NR2C1: variants seen among roughly 807,000 people sequenced by gnomAD.
NR2C1 encodes nuclear receptor subfamily 2 group C member 1.
NR2C1 carries 33 observed loss-of-function variants against 74.8 expected under a neutral mutation model. The ratio of observed to expected loss-of-function variants is 0.44; its 90% CI spans 0.33 to 0.59. The LOEUF is 0.59. NR2C1 is among the 20% of genes least tolerant of loss of function. The pLI, the probability that NR2C1 is intolerant of heterozygous loss-of-function variation, is 0.02. For synonymous variants in NR2C1, 225 were observed against 240.6 expected (o/e 0.94, Z 0.60); for missense variants, 568 against 715.6 (o/e 0.79, Z 2.35).
At chr12:95,025,080 A>G in intron 13 of NR2C1, 70 bp downstream of exon 13, 1 of 648,714 alleles carries the variant, frequency 1.5e-6, no homozygotes, top group Non-Finnish European at 2.6e-6. Flanking sequence ...TGAGAGTAGT[A>G]ATAATGAGAT....
intron 7 of NR2C1, among the ~76,000 whole-genome samples, chr12:95,053,681 GT>G (rs550069594): frequency 0.085 from 8,802 of 103,142 alleles, 121 homozygotes; most frequent in African/African-American, 0.17. Flanking sequence ...TCTTTTTGGT[GT>G]TTTTTTTTTT....
chr12:95,047,385 A>G (rs115126787), intron 9 of NR2C1, among the ~76,000 whole-genome samples: 1,725 of 152,234 alleles, frequency 0.011, 28 homozygotes, highest in African/African-American at 0.039. Flanking sequence ...AAAAATTTCT[A>G]ATTTTTTCCA....
At chr12:95,060,497 T>C (rs921942767) in intron 3 of NR2C1, among the ~76,000 whole-genome samples, 1 of 151,760 alleles carries the variant, frequency 6.6e-6, no homozygotes, top group Non-Finnish European at 1.5e-5. Context: ...GTACTAAAAA[T>C]ACAAAAAATT....
intron 2 of NR2C1, 81 bp from the exon 3 acceptor site, chr12:95,062,819 T>A (rs1302613627): frequency 9.9e-7 from 1 of 1,012,480 alleles, no homozygotes; most frequent in Non-Finnish European, 1.5e-6. Context: ...AAAAGCACAT[T>A]ACATATATAT....
At chr12:95,050,069 G>C (rs573436772) in intron 8 of NR2C1, among the ~76,000 whole-genome samples, 2 of 152,256 alleles carry the variant, frequency 1.3e-5, no homozygotes, top group Admixed American at 6.5e-5. Flanking sequence ...CCAAAGTGCT[G>C]AGATTACAGG....
At chr12:95,064,649 G>C (rs775943263) in intron 2 of NR2C1, among the ~76,000 whole-genome samples, 49 of 152,252 alleles carry the variant, frequency 3.2e-4, no homozygotes, top group Non-Finnish European at 6.2e-4. Flanking sequence ...TGCCATCTGG[G>C]GGGGAGGAAC....
chr12:95,056,118 T>A (rs1324967693), intron 7 of NR2C1, among the ~76,000 whole-genome samples: 2 of 151,406 alleles, frequency 1.3e-5, no homozygotes, highest in Non-Finnish European at 2.9e-5. Flanking sequence ...TAGGAAAAAT[T>A]AGCCAGGCAC....
chr12:95,053,963 G>C (rs1307623267), intron 7 of NR2C1, among the ~76,000 whole-genome samples: 1 of 152,096 alleles, frequency 6.6e-6, no homozygotes, highest in East Asian at 1.9e-4. Flanking sequence ...GATTACAGGC[G>C]TGAGCCACTG....
At chr12:95,032,598 G>A (rs920513322) in intron 10 of NR2C1, among the ~76,000 whole-genome samples, 2 of 152,206 alleles carry the variant, frequency 1.3e-5, no homozygotes, top group African/African-American at 4.8e-5. Flanking sequence ...CCAGGTCTCA[G>A]GTTGTCTAAT....
intron 5 of NR2C1, chr12:95,058,094 AAC>A: frequency 1.5e-6 from 1 of 664,192 alleles, no homozygotes; most frequent in Non-Finnish European, 2.4e-6. Flanking sequence ...CTTTTTGCCA[AAC>A]ACAAACTACA....
At chr12:95,028,670 G>A (rs1869669700) in intron 11 of NR2C1, 146 bp from the exon 12 acceptor site, 1 of 618,428 alleles carries the variant, frequency 1.6e-6, no homozygotes, top group South Asian at 1.9e-5. Flanking sequence ...TGTCGCCCAG[G>A]TGGCAGTGCA....
At chr12:95,066,270 G>A (rs1301326953) in intron 2 of NR2C1, among the ~76,000 whole-genome samples, 1 of 152,232 alleles carries the variant, frequency 6.6e-6, no homozygotes, top group Non-Finnish European at 1.5e-5. Context: ...GGAAGGCCAA[G>A]GCCAGTGAAC....
chr12:95,064,021 G>C (rs1565874749), intron 2 of NR2C1, among the ~76,000 whole-genome samples: 1 of 84,364 alleles, frequency 1.2e-5, no homozygotes, highest in Admixed American at 1.6e-4. Flanking sequence ...AGAGGACTCT[G>C]CCTCAAAAAA....
At chr12:95,060,261 C>T (rs1234278381) in intron 3 of NR2C1, among the ~76,000 whole-genome samples, 2 of 152,190 alleles carry the variant, frequency 1.3e-5, no homozygotes, top group Non-Finnish European at 2.9e-5. Context: ...TAATTATAAT[C>T]ATGCAGATGT....
intron 1 of NR2C1, among the ~76,000 whole-genome samples, chr12:95,068,745 G>T (rs1488117287): frequency 6.6e-6 from 1 of 151,244 alleles, no homozygotes; most frequent in Non-Finnish European, 1.5e-5. Flanking sequence ...GGTGAGCCGA[G>T]ATTGCACCAT....
chr12:95,062,359 G>A (rs1874906676), intron 3 of NR2C1, 149 bp downstream of exon 3: 11 of 609,530 alleles, frequency 1.8e-5, no homozygotes, highest in Middle Eastern at 4.3e-4. Context: ...ATAGGAGAGG[G>A]CTGTCACTGT....
intron 11 of NR2C1, among the ~76,000 whole-genome samples, chr12:95,029,395 T>C (rs1869768807): frequency 6.6e-6 from 1 of 152,140 alleles, no homozygotes; most frequent in Admixed American, 6.5e-5. Context: ...ATTCTTTTGA[T>C]GTTGTAAAAG....
chr12:95,072,632 C>T (rs1407388458), intron 1 of NR2C1: 1 of 152,090 alleles, frequency 6.6e-6, no homozygotes, highest in African/African-American at 2.4e-5. Flanking sequence ...AAAGGCTGAC[C>T]TACTTACTGA....
At chr12:95,044,623 G>T (rs533500978) in intron 9 of NR2C1, among the ~76,000 whole-genome samples, 2 of 152,168 alleles carry the variant, frequency 1.3e-5, no homozygotes, top group African/African-American at 4.8e-5. Flanking sequence ...GATGGCTCAC[G>T]CTTATAATCC....
Sources: gnomAD v4.1 joint callset for allele counts (sites outside exome capture counted in the v4.1 genomes callset) on GRCh38, gnomAD v4.1.1 for gene constraint, MANE v1.5 for transcripts, NCBI Gene and HGNC (gene_info 2026-07-23, HGNC 2026-07-21) for gene names.